The following CADM2 variants were observed in gnomAD, a reference collection of about 807,000 sequenced individuals.
CADM2 encodes cell adhesion molecule 2, also known as immunoglobulin superfamily member 4D.
A neutral mutation model predicts 49.8 loss-of-function variants in CADM2; 12 were observed. That is an observed-to-expected ratio of 0.24 (90% CI 0.15 to 0.39). The LOEUF (loss-of-function observed/expected upper bound fraction) is 0.39, where lower values mean the gene tolerates loss of function less well. Among genes scored for constraint, CADM2 ranks in the 10% least tolerant of loss-of-function variants. CADM2 has a pLI of 1.00. For missense variants in CADM2, 378 were observed against 492.3 expected (o/e 0.77, Z 2.20); for synonymous variants, 214 against 175.4 (o/e 1.22, Z -1.74).
chr3:85,029,210 G>A (rs554972966), intron 1 of CADM2, among the ~76,000 whole-genome samples: 1 of 151,928 alleles, frequency 6.6e-6, no homozygotes, highest in South Asian at 2.1e-4. Context: ...ATTACATTTG[G>A]TATTGAAAAG....
At chr3:85,435,174 C>T (rs2036866845) in intron 1 of CADM2, among the ~76,000 whole-genome samples, 1 of 152,102 alleles carries the variant, frequency 6.6e-6, no homozygotes, top group Non-Finnish European at 1.5e-5. Flanking sequence ...CCCCTACCCA[C>T]ACAACCCCCA....
At chr3:85,105,530 G>T (rs2038183093) in intron 1 of CADM2, among the ~76,000 whole-genome samples, 1 of 152,170 alleles carries the variant, frequency 6.6e-6, no homozygotes, top group South Asian at 2.1e-4. Flanking sequence ...GTGGAAGTCA[G>T]TGTGGCAATT....
rs1717475069 is a variant in CADM2 at position 85,910,758 on chromosome 3, A to AT, written c.530-1611dup. 2.0e-5 allele frequency among the ~76,000 whole-genome samples: 3 copies of AT among 152,150 alleles called. No individual in the cohort carries two copies. In the South Asian group the frequency reaches 6.2e-4, roughly 31 times the overall value. On this transcript the variant is annotated intron_variant, in intron 5 of 9. Transcript: ENST00000383699. ...TTGTGGTAAAAATCTTAATTAGGTC[A>AT]TTTTCCCCTAATATGTGAAACTATA... is the stretch of plus-strand genomic sequence containing the variant.
intron 1 of CADM2, among the ~76,000 whole-genome samples, chr3:85,705,700 A>C (rs570512230): frequency 6.6e-6 from 1 of 152,200 alleles, no homozygotes; most frequent in East Asian, 1.9e-4. Context: ...TTTGTTCTAC[A>C]TAACCTTCTG....
chr3:85,019,996 T>G (rs1263652027), intron 1 of CADM2, among the ~76,000 whole-genome samples: 2 of 152,170 alleles, frequency 1.3e-5, no homozygotes, highest in Admixed American at 1.3e-4. Flanking sequence ...TACAAAGATA[T>G]ATGTTTTATC....
At chr3:85,166,374 T>C (rs1182462923) in intron 1 of CADM2, among the ~76,000 whole-genome samples, 1 of 151,858 alleles carries the variant, frequency 6.6e-6, no homozygotes, top group Non-Finnish European at 1.5e-5. Context: ...TATTTTATAA[T>C]GAGATTTTAG....
At position 85,652,772 on chromosome 3, in the gene CADM2, C is replaced by CTTTTTTTTTTTTTTT. The variant is rs34756757; in HGVS notation, c.62-73740_62-73726dup. Among the ~76,000 whole-genome samples, 326 of 50,790 alleles carry CTTTTTTTTTTTTTTT rather than the reference C, an allele frequency of 6.4e-3. 92 individuals are homozygous for CTTTTTTTTTTTTTTT. The highest frequency in any genetic ancestry group is 9.7e-3 in the South Asian group (10 of 1,032). 33.3% of individuals were successfully genotyped at this position (50,790 alleles called of 152,430 possible). ...TAACCTGAAAATCTTTTTTTCTTTT[C>CTTTTTTTTTTTTTTT]TTTTTTTTTTTTTTTTTTTTTTTTA... On this transcript the variant is annotated intron_variant, in intron 1 of 9. Coordinates refer to ENST00000383699, the MANE Select transcript of CADM2 (RefSeq NM_001167675.2).
intron 1 of CADM2, among the ~76,000 whole-genome samples, chr3:85,006,724 T>A: frequency 6.6e-6 from 1 of 152,118 alleles, no homozygotes; most frequent in Non-Finnish European, 1.5e-5. Flanking sequence ...TTTTCACCAC[T>A]ATATTTCAAG....
intron 3 of CADM2, among the ~76,000 whole-genome samples, chr3:85,874,177 C>T (rs1259920334): frequency 6.6e-6 from 1 of 151,998 alleles, no homozygotes; most frequent in East Asian, 1.9e-4. Flanking sequence ...TATGTTATTA[C>T]CTTAGTGAAA....
chr3:85,711,131 GGAAAATAGCATCAT>G (rs1205095058), intron 1 of CADM2, among the ~76,000 whole-genome samples: 3 of 151,886 alleles, frequency 2.0e-5, no homozygotes, highest in Non-Finnish European at 4.4e-5. Context: ...TTTAAATTAT[GGAAAATAGCATCAT>G]GATGCAAACA....
chr3:85,174,184 C>A (rs1241085240), intron 1 of CADM2, among the ~76,000 whole-genome samples: 1 of 152,120 alleles, frequency 6.6e-6, no homozygotes, highest in Non-Finnish European at 1.5e-5. Flanking sequence ...CATTTTAATT[C>A]CTAAACATTG....
chr3:85,582,435 G>A (rs1212298229), intron 1 of CADM2, among the ~76,000 whole-genome samples: 1 of 152,178 alleles, frequency 6.6e-6, no homozygotes, highest in Non-Finnish European at 1.5e-5. Flanking sequence ...TATTGCAGAA[G>A]TAGTATATGA....
At chr3:85,302,557 A>G (rs2044126212) in intron 1 of CADM2, among the ~76,000 whole-genome samples, 1 of 152,022 alleles carries the variant, frequency 6.6e-6, no homozygotes, top group Non-Finnish European at 1.5e-5. Flanking sequence ...TAATTTGTAC[A>G]CTTTCTCATT....
chr3:85,652,718 T>C (rs1270166914), intron 1 of CADM2, among the ~76,000 whole-genome samples: 2 of 150,534 alleles, frequency 1.3e-5, no homozygotes, highest in Non-Finnish European at 3.0e-5. Context: ...TTTATGACAG[T>C]ATTTCCCAAA....
intron 3 of CADM2, among the ~76,000 whole-genome samples, chr3:85,824,213 G>A (rs2073774011): frequency 6.6e-6 from 1 of 152,114 alleles, no homozygotes; most frequent in Non-Finnish European, 1.5e-5. Context: ...CAAGAATATT[G>A]AAGCAGAGGG....
chr3:85,303,903 T>G (rs2107006578), intron 1 of CADM2, among the ~76,000 whole-genome samples: 1 of 151,982 alleles, frequency 6.6e-6, no homozygotes, highest in South Asian at 2.1e-4. Flanking sequence ...ATAAAAGCAA[T>G]TATGTCAACA....
intron 1 of CADM2, among the ~76,000 whole-genome samples, chr3:85,207,618 A>G (rs1236982563): frequency 6.6e-6 from 1 of 152,150 alleles, no homozygotes; most frequent in African/African-American, 2.4e-5. Flanking sequence ...ATTTTTATCT[A>G]GTGGTTTAAT....
intron 1 of CADM2, among the ~76,000 whole-genome samples, chr3:85,433,626 C>T (rs1351806685): frequency 6.6e-6 from 1 of 152,108 alleles, no homozygotes; most frequent in African/African-American, 2.4e-5. Context: ...AAGCATACAA[C>T]TCATTGTGAA....
At chr3:85,750,842 G>A (rs191920651) in intron 2 of CADM2, among the ~76,000 whole-genome samples, 3 of 152,080 alleles carry the variant, frequency 2.0e-5, no homozygotes, top group East Asian at 1.9e-4. Flanking sequence ...AATTTCATAT[G>A]TGACACCATT....
Sources: allele counts gnomAD v4.1 joint callset (sites outside exome capture counted in the v4.1 genomes callset), GRCh38; gene constraint gnomAD v4.1.1; transcripts MANE v1.5; gene names NCBI Gene and HGNC (gene_info 2026-07-23, HGNC 2026-07-21).